Variants in SMARCC1 observed in about 807,000 individuals in gnomAD.
The protein encoded by SMARCC1 is SWI/SNF complex subunit SMARCC1.
In SMARCC1, 43 loss-of-function variants were observed where a neutral mutation model predicts 147.4. The observed-to-expected ratio is 0.29, with a 90% confidence interval of 0.23 to 0.38. The LOEUF is 0.38. Ranked by LOEUF, SMARCC1 falls within the 10% of genes least tolerant of loss-of-function variation. The probability of loss-of-function intolerance (pLI) is 1.00; values close to 1 mark genes in which losing one functional copy is unlikely to be tolerated. For synonymous variants in SMARCC1, 495 were observed against 484.4 expected, an observed-to-expected ratio of 1.02 and a Z score of -0.29; for missense variants, 1,119 against 1,381.1, an observed-to-expected ratio of 0.81 and a Z score of 3.01.
At chr3:47,736,465 G>C (rs2034444939) in intron 4 of SMARCC1, among the ~76,000 whole-genome samples, 1 of 152,038 alleles carries the variant, frequency 6.6e-6, no homozygotes, top group Admixed American at 6.6e-5. Context: ...CATGAGGTCA[G>C]GAGATCAAGA....
intron 11 of SMARCC1, among the ~76,000 whole-genome samples, chr3:47,695,063 G>C (rs956637361): frequency 1.3e-5 from 2 of 152,194 alleles, no homozygotes; most frequent in Non-Finnish European, 2.9e-5. Flanking sequence ...GGGAAAAAAT[G>C]TGTGCTCACA....
chr3:47,657,517 G>A (rs2033279057), intron 21 of SMARCC1, among the ~76,000 whole-genome samples: 1 of 152,180 alleles, frequency 6.6e-6, no homozygotes, highest in South Asian at 2.1e-4. Flanking sequence ...AAGTACAGGG[G>A]CTGGGCTCAG....
At chr3:47,646,460 A>C (rs1022058404) in intron 21 of SMARCC1, among the ~76,000 whole-genome samples, 1 of 152,220 alleles carries the variant, frequency 6.6e-6, no homozygotes, top group Non-Finnish European at 1.5e-5. Flanking sequence ...GACTTAAACA[A>C]GAAGGCATAT....
rs548606080 is a variant in SMARCC1, at chr3:47,656,262, C to T, written c.2320+5032G>A. ...ACTTCCATTTGAGAAGCCGGTACTA[C>T]GTATAAAGTTGCTTTATTAATTTCA... On this transcript the variant is annotated intron_variant, in intron 21 of 27. Transcript: ENST00000254480. Among the ~76,000 whole-genome samples the T allele has an allele frequency of 2.2e-4, 34 of 152,198 alleles. No homozygotes were observed. In the South Asian group the frequency reaches 6.0e-3, roughly 27 times the overall value.
chr3:47,598,977 G>A (rs1185122333), intron 26 of SMARCC1, among the ~76,000 whole-genome samples: 6 of 152,132 alleles, frequency 3.9e-5, no homozygotes, highest in African/African-American at 1.4e-4. Context: ...CAAGCCACCG[G>A]AAGTTGGAAG....
intron 26 of SMARCC1, among the ~76,000 whole-genome samples, chr3:47,608,288 A>G (rs1211782056): frequency 2.2e-5 from 3 of 137,668 alleles, no homozygotes; most frequent in African/African-American, 7.8e-5. Flanking sequence ...GGGTTTTGCC[A>G]TTTTGGCCAA....
At chr3:47,757,378 A>G (rs1158123613) in intron 2 of SMARCC1, among the ~76,000 whole-genome samples, 1 of 152,188 alleles carries the variant, frequency 6.6e-6, no homozygotes, top group Non-Finnish European at 1.5e-5. Context: ...GCTCACATTA[A>G]TTAATTATTA....
chr3:47,635,416 A>G (rs1559630986), intron 23 of SMARCC1, 72 bp from the exon 24 acceptor site: 12 of 1,060,214 alleles, frequency 1.1e-5, no homozygotes, highest in South Asian at 1.5e-5. Context: ...TACCTCCACC[A>G]CTATAACAAA....
chr3:47,640,391 T>C (rs4858843), intron 21 of SMARCC1, among the ~76,000 whole-genome samples: 35,109 of 151,858 alleles, frequency 0.23, 5,242 homozygotes, highest in Admixed American at 0.3. Context: ...ACAAACTATA[T>C]GAGGAATGGA....
chr3:47,696,493 T>C (rs1457742862), intron 11 of SMARCC1, among the ~76,000 whole-genome samples: 2 of 151,914 alleles, frequency 1.3e-5, no homozygotes, highest in African/African-American at 2.4e-5. Context: ...AAGTAGACTA[T>C]ATGCTGTGAA....
intron 21 of SMARCC1, among the ~76,000 whole-genome samples, chr3:47,660,810 T>C (rs964883119): frequency 4.6e-5 from 7 of 152,186 alleles, no homozygotes; most frequent in Middle Eastern, 3.2e-3. Flanking sequence ...ATAGTGGTGA[T>C]AGACACACAG....
chr3:47,742,261 C>T (rs2034517658), intron 3 of SMARCC1, among the ~76,000 whole-genome samples: 1 of 150,288 alleles, frequency 6.7e-6, no homozygotes, highest in South Asian at 2.1e-4. Flanking sequence ...AGCAAGACTC[C>T]GTCTCAAAAA....
intron 19 of SMARCC1, among the ~76,000 whole-genome samples, chr3:47,666,803 A>C (rs1245258088): frequency 6.6e-6 from 1 of 152,130 alleles, no homozygotes; most frequent in East Asian, 1.9e-4. Context: ...TGGCCCAGGG[A>C]AGCCAAAGAT....
chr3:47,749,698 G>C (rs368765019), intron 2 of SMARCC1, among the ~76,000 whole-genome samples: 70 of 16,916 alleles, frequency 4.1e-3, no homozygotes, highest in Middle Eastern at 0.038. Flanking sequence ...CACAAAGTGA[G>C]ACCCTCTAAA....
intron 24 of SMARCC1, among the ~76,000 whole-genome samples, chr3:47,624,504 A>G (rs754766225): frequency 9.2e-5 from 14 of 152,158 alleles, no homozygotes; most frequent in Non-Finnish European, 8.8e-5. Flanking sequence ...ACAATGGCAA[A>G]ATGCCTTTCA....
intron 27 of SMARCC1, among the ~76,000 whole-genome samples, chr3:47,588,859 A>C (rs546717079): frequency 6.6e-6 from 1 of 152,232 alleles, no homozygotes; most frequent in East Asian, 1.9e-4. Flanking sequence ...ACAGCTCCTG[A>C]ACTGCAGTCC....
intron 11 of SMARCC1, among the ~76,000 whole-genome samples, chr3:47,697,459 G>A (rs954408943): frequency 6.6e-5 from 10 of 151,504 alleles, no homozygotes; most frequent in South Asian, 4.2e-4. Flanking sequence ...GCGCCACCAC[G>A]CCAGGCTAAT....
At chr3:47,658,047 T>C (rs1004527869) in intron 21 of SMARCC1, among the ~76,000 whole-genome samples, 5 of 151,890 alleles carry the variant, frequency 3.3e-5, no homozygotes, top group African/African-American at 1.2e-4. Flanking sequence ...AGAGAAATTA[T>C]AGAACAGAAA....
At chr3:47,733,087 CAG>C (rs2034395388) in intron 5 of SMARCC1, among the ~76,000 whole-genome samples, 1 of 151,816 alleles carries the variant, frequency 6.6e-6, no homozygotes, top group South Asian at 2.1e-4. Context: ...AGCTGGGCGA[CAG>C]AGAAAGACTT....
Sources: allele counts gnomAD v4.1 joint callset (sites outside exome capture counted in the v4.1 genomes callset), GRCh38; gene constraint gnomAD v4.1.1; transcripts MANE v1.5; gene names NCBI Gene and HGNC (gene_info 2026-07-23, HGNC 2026-07-21).